ASRGL1: variants seen among roughly 807,000 people sequenced by gnomAD.
ASRGL1 encodes isoaspartyl peptidase/L-asparaginase.
In ASRGL1, 16 loss-of-function variants were observed where a neutral mutation model predicts 22.4. The observed-to-expected ratio is 0.71, with a 90% confidence interval of 0.48 to 1.08. The LOEUF (loss-of-function observed/expected upper bound fraction) is 1.08. Ranked by LOEUF, ASRGL1 falls within the 50% of genes least tolerant of loss-of-function variation. The pLI is 0.00. For synonymous variants in ASRGL1, 165 were observed against 159.3 expected (o/e 1.04, Z -0.27); for missense variants, 412 against 410.1 (o/e 1.00, Z -0.04).
intron 4 of ASRGL1, among the ~76,000 whole-genome samples, chr11:62,366,908 T>C (rs918156843): frequency 2.6e-5 from 4 of 152,166 alleles, no homozygotes; most frequent in Non-Finnish European, 5.9e-5. Context: ...ATTTTTGCCG[T>C]ATAAAAGATT....
intron 2 of ASRGL1, among the ~76,000 whole-genome samples, chr11:62,340,958 T>C (rs1945847976): frequency 1.3e-5 from 2 of 152,352 alleles, no homozygotes; most frequent in East Asian, 1.9e-4. Context: ...ATTCTATTCC[T>C]GTTTCAGTGT....
chr11:62,372,389 C>G lies in ASRGL1; in HGVS notation c.491+15245C>G. The G allele has an allele frequency of 5.1e-6, 8 of 1,556,470 alleles. No homozygotes were observed. The South Asian group carries it at 7.8e-5, about 15-fold the overall frequency. Reference sequence around the variant, plus strand: ...ACAGCCTGCCAATTACCAAAATGGCCTGTGAGGCTGCAAATCAGTATGATA... The same window carrying G: ...ACAGCCTGCCAATTACCAAAATGGCGTGTGAGGCTGCAAATCAGTATGATA... On this transcript the variant is annotated intron_variant, in intron 4 of 6. Transcript: ENST00000415229.
intron 2 of ASRGL1, among the ~76,000 whole-genome samples, chr11:62,355,812 T>C (rs1371393596): frequency 4.0e-5 from 6 of 151,802 alleles, no homozygotes; most frequent in Non-Finnish European, 8.8e-5. Flanking sequence ...GATTAGGGAG[T>C]GGTGATGACT....
chr11:62,354,311 C>T (rs1245837225), intron 2 of ASRGL1, among the ~76,000 whole-genome samples: 1 of 152,182 alleles, frequency 6.6e-6, no homozygotes, highest in Admixed American at 6.5e-5. Flanking sequence ...TACAGTAGCC[C>T]TCCGTTATCT....
chr11:62,372,166 T>C (rs1316624435), intron 4 of ASRGL1: 5 of 929,940 alleles, frequency 5.4e-6, no homozygotes, highest in African/African-American at 1.6e-5. Flanking sequence ...TGGGACATGG[T>C]GACACCAAGA....
rs571177625 is a variant in ASRGL1, at chr11:62,376,585, A to T, written c.492-12548A>T. Among the ~76,000 whole-genome samples, 182 of 152,264 alleles carry T rather than the reference A, an allele frequency of 1.2e-3. 1 individual carries two copies. Among genetic ancestry groups the T allele is most frequent in the African/African-American group, 3.1e-3 (130 of 41,522 alleles). On this transcript the variant is annotated intron_variant, in intron 4 of 6. Coordinates refer to ENST00000415229, the MANE Select transcript of ASRGL1 (RefSeq NM_001083926.2). ...AGTAGTCTGATTTCTATAAATGTTT[A>T]AAAAATTTAAAGTATAGAGTGCTAG...
intron 2 of ASRGL1, among the ~76,000 whole-genome samples, chr11:62,347,645 A>G (rs1192310821): frequency 1.3e-5 from 2 of 151,796 alleles, no homozygotes; most frequent in Non-Finnish European, 2.9e-5. Context: ...AAAACCGTGT[A>G]AGACTGCCTT....
At position 62,338,187 on chromosome 11, in the gene ASRGL1, A is replaced by G. The variant is rs1175540765; in HGVS notation, c.190+20A>G. On this transcript the variant is annotated intron_variant, in intron 2 of 6. Transcript: ENST00000415229. ...ACGCAGGTAAATGTGCCTTTCAGCT[A>G]GTAAATAATGTGAGTCAGGTCAAGC... 5.2e-6 allele frequency: 8 copies of G among 1,527,104 alleles called. No homozygotes were observed. Among genetic ancestry groups the G allele is most frequent in the South Asian group, 2.6e-5 (2 of 76,724 alleles). The allele number at this position is 1,527,104 out of a possible 1,614,324, so 94.6% of individuals were successfully genotyped here. A position where few individuals can be genotyped will look rare whatever the true frequency, so the allele number is the denominator to read the frequency against.
chr11:62,387,518 T>C (rs1347665867), intron 4 of ASRGL1, among the ~76,000 whole-genome samples: 1 of 152,170 alleles, frequency 6.6e-6, no homozygotes, highest in East Asian at 1.9e-4. Context: ...TCCCTCATTT[T>C]ATTCTCTCCA....
At chr11:62,377,965 G>A (rs958548129) in intron 4 of ASRGL1, among the ~76,000 whole-genome samples, 1 of 152,034 alleles carries the variant, frequency 6.6e-6, no homozygotes. Flanking sequence ...TATTTGTGCT[G>A]GTTGAATTTT....
intron 2 of ASRGL1, among the ~76,000 whole-genome samples, chr11:62,345,214 C>A (rs1309952471): frequency 6.6e-6 from 1 of 152,158 alleles, no homozygotes; most frequent in Non-Finnish European, 1.5e-5. Flanking sequence ...TTTCCTTTCT[C>A]TTGGGTGTGT....
chr11:62,353,042 C>G (rs1405540521), intron 2 of ASRGL1, among the ~76,000 whole-genome samples: 1 of 152,120 alleles, frequency 6.6e-6, no homozygotes, highest in Non-Finnish European at 1.5e-5. Flanking sequence ...CTCCTCCCAT[C>G]TAGGAGTCTG....
In ASRGL1 at chr11:62,356,381, G is replaced by A. The variant is rs150459367; in HGVS notation, c.247G>A (p.Asp83Asn). The change falls in exon 3 of 7, where the codon GAT (aspartate) becomes AAT (asparagine). Residue 83 changes from aspartate to asparagine, a missense_variant. By Grantham distance (23) the Asp-to-Asn change is conservative. Transcript: ENST00000415229. ...GGTTGAAATGGATGCTAGTATCATG[G>A]ATGGAAAAGACCTGTCTGCAGGAGC... ...GEVEMDASIM[D>N]GKDLSAGAVS... 1.2e-6 allele frequency: 2 copies of A among 1,614,186 alleles called. No homozygotes were observed. Among genetic ancestry groups the A allele is most frequent in the Non-Finnish European group, 1.7e-6 (2 of 1,179,976 alleles).
chr11:62,388,669 CAAAA>C (rs772803061), intron 4 of ASRGL1, among the ~76,000 whole-genome samples: 2 of 62,814 alleles, frequency 3.2e-5, no homozygotes, highest in Admixed American at 1.7e-4. Flanking sequence ...GACTTCATCT[CAAAA>C]AAAAAAAAAA....
chr11:62,382,283 C>G (rs979778880), intron 4 of ASRGL1: 1 of 152,062 alleles, frequency 6.6e-6, no homozygotes, highest in Non-Finnish European at 1.5e-5. Context: ...GCAACAGTCT[C>G]TGAGTTCCCT....
intron 4 of ASRGL1, chr11:62,373,207 C>T: frequency 1.1e-6 from 1 of 920,430 alleles, no homozygotes; most frequent in Admixed American, 1.7e-5. Context: ...CTCCACACCT[C>T]TCATGGCAGC....
At chr11:62,375,481 T>TATATATATATATA (rs1565169625) in intron 4 of ASRGL1, among the ~76,000 whole-genome samples, 10 of 84,714 alleles carry the variant, frequency 1.2e-4, no homozygotes, top group South Asian at 9.4e-4. Flanking sequence ...TATATATATA[T>TATATATATATATA]TTCTTGGAGT....
intron 2 of ASRGL1, among the ~76,000 whole-genome samples, chr11:62,339,792 CTCTT>C (rs1365224473): frequency 6.6e-6 from 1 of 152,176 alleles, no homozygotes; most frequent in Admixed American, 6.5e-5. Context: ...AGACATTCAT[CTCTT>C]TGTTTTAAAA....
At chr11:62,372,499 C>A in intron 4 of ASRGL1, 3 of 1,221,130 alleles carry the variant, frequency 2.5e-6, no homozygotes, top group African/African-American at 1.5e-5. Context: ...GTTCATTGCC[C>A]GGGCACAGCA....
Sources: allele counts gnomAD v4.1 joint callset (sites outside exome capture counted in the v4.1 genomes callset), GRCh38; gene constraint gnomAD v4.1.1; transcripts MANE v1.5; gene names NCBI Gene and HGNC (gene_info 2026-07-23, HGNC 2026-07-21).